Variants in CDADC1 observed in about 807,000 individuals in gnomAD.
CDADC1 encodes the protein dCTP deaminase.
In CDADC1, 39 loss-of-function variants were observed where a neutral mutation model predicts 54.9. That is an observed-to-expected ratio of 0.71 (90% CI 0.55 to 0.93). CDADC1 has a LOEUF of 0.93. Ranked by LOEUF, CDADC1 falls within the 40% of genes least tolerant of loss-of-function variation. The pLI is 0.00. For missense variants in CDADC1, 518 were observed against 618.8 expected, an observed-to-expected ratio of 0.84 and a Z score of 1.73; for synonymous variants, 186 against 204.0, an observed-to-expected ratio of 0.91 and a Z score of 0.75.
Position 49,292,436 on chromosome 13 carries a change from C to CT in CDADC1, c.*680dup. ...TTGATATCACTGACTCTTGAAATCA[C>CT]TAACAGTGAACCTCAAATTTGGTTA... On this transcript the variant is annotated 3_prime_UTR_variant, in exon 10 of 10. Coordinates refer to ENST00000251108, the MANE Select transcript of CDADC1 (RefSeq NM_030911.4). 9.9e-7 allele frequency: 1 copy of CT among 1,008,368 alleles called. No individual in the cohort carries two copies. Among genetic ancestry groups the CT allele is most frequent in the Non-Finnish European group, 1.2e-6 (1 of 843,676 alleles). The allele number at this position is 1,008,368 out of a possible 1,614,324, so 62.5% of individuals were successfully genotyped here. A position where few individuals can be genotyped will look rare whatever the true frequency, so the allele number is the denominator to read the frequency against.
chr13:49,257,741 G>A (rs971680384), intron 3 of CDADC1, among the ~76,000 whole-genome samples: 27 of 152,154 alleles, frequency 1.8e-4, no homozygotes, highest in Non-Finnish European at 2.8e-4. Flanking sequence ...CAGCCTGGGC[G>A]ACAGAGTGAG....
chr13:49,275,710 T>C lies in CDADC1; in HGVS notation c.1050+1370T>C, dbSNP rs1953091847. Among the ~76,000 whole-genome samples the C allele has an allele frequency of 4.1e-5, 4 of 97,296 alleles. 1 individual carries two copies. Among genetic ancestry groups the C allele is most frequent in the African/African-American group, 8.6e-5 (2 of 23,354 alleles). The allele number at this position is 97,296 out of a possible 152,430, so 63.8% of individuals were successfully genotyped here. A position where few individuals can be genotyped will look rare whatever the true frequency, so the allele number is the denominator to read the frequency against. On this transcript the variant is annotated intron_variant, in intron 6 of 9. Transcript: ENST00000251108. Reference sequence around the variant, plus strand: ...GGTGTTATATATATATATATATATATATATATATATATATATAGAGAGAGA... The same window carrying C: ...GGTGTTATATATATATATATATATACATATATATATATATATAGAGAGAGA...
chr13:49,281,745 C>A (rs903393702), intron 8 of CDADC1, among the ~76,000 whole-genome samples: 1 of 152,188 alleles, frequency 6.6e-6, no homozygotes, highest in African/African-American at 2.4e-5. Context: ...CACACAAACA[C>A]ACACATTTCT....
At chr13:49,276,725 A>T (rs1264332135) in intron 6 of CDADC1, among the ~76,000 whole-genome samples, 1 of 152,194 alleles carries the variant, frequency 6.6e-6, no homozygotes, top group East Asian at 1.9e-4. Flanking sequence ...ACTCTGTACA[A>T]CTTGTCTGTG....
At chr13:49,282,518 A>G (rs1953380701) in intron 8 of CDADC1, among the ~76,000 whole-genome samples, 2 of 152,232 alleles carry the variant, frequency 1.3e-5, no homozygotes, top group African/African-American at 4.8e-5. Context: ...ACATGATACC[A>G]GCTCACCCTT....
At chr13:49,277,813 T>C (rs1456993211) in intron 6 of CDADC1, among the ~76,000 whole-genome samples, 1 of 152,200 alleles carries the variant, frequency 6.6e-6, no homozygotes, top group Non-Finnish European at 1.5e-5. Context: ...GAAAATGCAT[T>C]TTTTATTTTC....
chr13:49,250,159 T>C (rs556691369), intron 2 of CDADC1, among the ~76,000 whole-genome samples: 25 of 152,318 alleles, frequency 1.6e-4, no homozygotes, highest in Non-Finnish European at 3.1e-4. Flanking sequence ...ATATTCTGCA[T>C]GTACTCGCTG....
chr13:49,266,191 G>C (rs997449909), intron 4 of CDADC1, among the ~76,000 whole-genome samples: 3 of 152,062 alleles, frequency 2.0e-5, no homozygotes, highest in Non-Finnish European at 4.4e-5. Flanking sequence ...ATCTCTCCTA[G>C]CTGAAATTAC....
intron 2 of CDADC1, among the ~76,000 whole-genome samples, chr13:49,254,406 T>C (rs1952497787): frequency 8.2e-4 from 1 of 1,224 alleles, no homozygotes; most frequent in African/African-American, 1.0e-3. Context: ...ATCCCACCCT[T>C]TTTTTTTTTT....
rs550339016 is a variant in CDADC1 at position 49,274,437 on chromosome 13, G to A, written c.1050+97G>A. 1.2e-4 allele frequency: 104 copies of A among 872,180 alleles called. 1 individual carries two copies. Among genetic ancestry groups the A allele is most frequent in the South Asian group, 1.0e-3 (63 of 62,730 alleles). 54.0% of individuals were successfully genotyped at this position (872,180 alleles called of 1,614,324 possible). A position where few individuals can be genotyped will look rare whatever the true frequency, so the allele number is the denominator to read the frequency against. ...TACAGGTTACTGACTGCCAAGGCGG[G>A]CAGATCACAAGGTCAGGAGATTGAG... On this transcript the variant is annotated intron_variant, in intron 6 of 9. Coordinates refer to ENST00000251108, the MANE Select transcript of CDADC1 (RefSeq NM_030911.4).
At chr13:49,254,907 T>C (rs1420206497) in intron 2 of CDADC1, among the ~76,000 whole-genome samples, 1 of 152,232 alleles carries the variant, frequency 6.6e-6, no homozygotes, top group Non-Finnish European at 1.5e-5. Context: ...AAACTTTCTT[T>C]CTACTTCAAG....
In CDADC1 at chr13:49,292,107, TCACA is replaced by T; in HGVS notation, c.*354_*357del. The T allele has an allele frequency of 5.8e-6, 6 of 1,037,460 alleles. No individual in the cohort carries two copies. Among genetic ancestry groups the T allele is most frequent in the Non-Finnish European group, 7.0e-6 (6 of 861,198 alleles). 64.3% of individuals were successfully genotyped at this position (1,037,460 alleles called of 1,614,324 possible). On this transcript the variant is annotated 3_prime_UTR_variant, in exon 10 of 10. Coordinates refer to ENST00000251108, the MANE Select transcript of CDADC1 (RefSeq NM_030911.4). Reference sequence around the variant, plus strand: ...CAAGAGGTCATGCCTCTGCAGGGAATCACACACCTTTTGAGAAATATTAATTCTT... The same window carrying T: ...CAAGAGGTCATGCCTCTGCAGGGAATCACCTTTTGAGAAATATTAATTCTT...
chr13:49,249,798 T>C (rs925432353), intron 2 of CDADC1, among the ~76,000 whole-genome samples: 1 of 152,136 alleles, frequency 6.6e-6, no homozygotes, highest in Admixed American at 6.5e-5. Flanking sequence ...ATTGGAAGTA[T>C]AAACATCCTG....
Position 49,278,345 on chromosome 13 carries a change from C to A in CDADC1, c.1051-5C>A. The A allele has an allele frequency of 6.6e-7, 1 of 1,524,084 alleles. No individual in the cohort carries two copies. Among genetic ancestry groups the A allele is most frequent in the South Asian group, 1.3e-5 (1 of 78,342 alleles). The allele number at this position is 1,524,084 out of a possible 1,614,324, so 94.4% of individuals were successfully genotyped here. A position where few individuals can be genotyped will look rare whatever the true frequency, so the allele number is the denominator to read the frequency against. On this transcript the variant is annotated splice_region_variant and splice_polypyrimidine_tract_variant and intron_variant, in intron 6 of 9. Transcript: ENST00000251108. ...AACTAACCATTGGTTTGCTCACTCTCGTAGAGAAGTTGTGATGGAACAGGT... is the reference window on the plus strand; with the variant it reads ...AACTAACCATTGGTTTGCTCACTCTAGTAGAGAAGTTGTGATGGAACAGGT...
intron 4 of CDADC1, among the ~76,000 whole-genome samples, chr13:49,261,036 A>G (rs909810662): frequency 2.0e-5 from 3 of 152,212 alleles, no homozygotes; most frequent in Non-Finnish European, 4.4e-5. Flanking sequence ...AGTATTTGAA[A>G]TGGAGAATTA....
Position 49,278,442 on chromosome 13 carries a change from G to C in CDADC1, c.1143G>C (p.Met381Ile). 6.2e-7 allele frequency: 1 copy of C among 1,604,112 alleles called. No homozygotes were observed. Among genetic ancestry groups the C allele is most frequent in the Non-Finnish European group, 8.5e-7 (1 of 1,172,716 alleles). Residue 381 changes from methionine (M) to isoleucine (I), a missense_variant, in exon 7 of 10, where the codon ATG becomes ATC. Coordinates refer to ENST00000251108, the MANE Select transcript of CDADC1 (RefSeq NM_030911.4). ...VGSEYADFPHMDDKQKDREIR... is the reference protein window; with the variant it reads ...VGSEYADFPHIDDKQKDREIR... ...CTGAGTATGCTGACTTCCCACACAT[G>C]GATGACAAGCAGAAAGACAGAGAAA...
At position 49,267,517 on chromosome 13, in the gene CDADC1, C is replaced by T; in HGVS notation, c.458C>T (p.Pro153Leu). 6.2e-7 allele frequency: 1 copy of T among 1,613,344 alleles called. No homozygotes were observed. Residue 153 changes from proline to leucine, a missense_variant, in exon 5 of 10, where the codon CCT (proline) becomes CTT (leucine). Pro to Leu is a moderately conservative substitution (Grantham distance 98). Transcript: ENST00000251108. ...NAGVNRISYW[P>L]ADPEISLLTE... ...GGAGTTAACCGAATTTCATACTGGC[C>T]TGCTGATCCAGAAATAAGTTTGCTT... is the stretch of plus-strand genomic sequence containing the variant.
intron 2 of CDADC1, among the ~76,000 whole-genome samples, chr13:49,252,288 G>A (rs6561509): frequency 1.3e-5 from 2 of 152,294 alleles, no homozygotes; most frequent in Admixed American, 1.3e-4. Context: ...TACCTACAGG[G>A]CTTGGGACTC....
At chr13:49,290,352 G>T (rs1174774991) in intron 9 of CDADC1, among the ~76,000 whole-genome samples, 1 of 151,682 alleles carries the variant, frequency 6.6e-6, no homozygotes, top group Non-Finnish European at 1.5e-5. Flanking sequence ...TCATTTTATT[G>T]TTAGGCTTTA....
Sources: gnomAD v4.1 joint callset for allele counts (sites outside exome capture counted in the v4.1 genomes callset) on GRCh38, gnomAD v4.1.1 for gene constraint, MANE v1.5 for transcripts, NCBI Gene and HGNC (gene_info 2026-07-23, HGNC 2026-07-21) for gene names.